RBFOX1: variants seen among roughly 807,000 people sequenced by gnomAD.
RBFOX1 encodes RNA binding protein fox-1 homolog 1.
RBFOX1 carries 8 observed loss-of-function variants against 57.7 expected under a neutral mutation model. The ratio of observed to expected loss-of-function variants is 0.14; its 90% CI spans 0.08 to 0.25. RBFOX1 has a LOEUF of 0.25. Ranked by LOEUF, RBFOX1 falls within the 10% of genes least tolerant of loss-of-function variation. The pLI is 1.00. For synonymous variants in RBFOX1, 326 were observed against 222.4 expected, an observed-to-expected ratio of 1.47 and a Z score of -4.15; for missense variants, 611 against 548.5, an observed-to-expected ratio of 1.11 and a Z score of -1.14.
At chr16:6,914,391 A>G (rs2072547750) in intron 3 of RBFOX1, among the ~76,000 whole-genome samples, 1 of 152,140 alleles carries the variant, frequency 6.6e-6, no homozygotes, top group Admixed American at 6.5e-5. Flanking sequence ...ATGATTCAGA[A>G]TCTACAAGTT....
chr16:5,480,156 A>C (rs771812612), intron 2 of RBFOX1, among the ~76,000 whole-genome samples: 4 of 152,156 alleles, frequency 2.6e-5, no homozygotes, highest in African/African-American at 4.8e-5. Flanking sequence ...ATGACTTGTG[A>C]TCTAGGTTTT....
chr16:6,553,959 T>C (rs1228812812), intron 2 of RBFOX1, among the ~76,000 whole-genome samples: 2 of 152,192 alleles, frequency 1.3e-5, no homozygotes, highest in Non-Finnish European at 2.9e-5. Flanking sequence ...AGAGGGCAGG[T>C]ACCAGGGTTT....
intron 5 of RBFOX1, among the ~76,000 whole-genome samples, chr16:7,530,567 A>T (rs1423158759): frequency 6.6e-6 from 1 of 152,002 alleles, no homozygotes; most frequent in African/African-American, 2.4e-5. Context: ...GGTTGTATCA[A>T]TGGGTCTGTG....
chr16:6,657,018 C>T (rs2098661628), intron 3 of RBFOX1, among the ~76,000 whole-genome samples: 1 of 113,768 alleles, frequency 8.8e-6, no homozygotes, highest in African/African-American at 3.7e-5. Context: ...CTCTCCTCCC[C>T]TTTCCTCTCC....
chr16:7,500,367 G>T (rs572360481), intron 4 of RBFOX1, among the ~76,000 whole-genome samples: 14 of 152,272 alleles, frequency 9.2e-5, no homozygotes, highest in African/African-American at 2.2e-4. Flanking sequence ...TACTGAATTT[G>T]TAAGTCCAGT....
chr16:5,790,200 C>G (rs2054642643), intron 3 of RBFOX1, among the ~76,000 whole-genome samples: 1 of 152,246 alleles, frequency 6.6e-6, no homozygotes, highest in African/African-American at 2.4e-5. Flanking sequence ...AGCCCTTCTT[C>G]CACGCCCACA....
chr16:5,423,071 G>GGAGGAAGGAGAGGGAGGAA (rs2067402416), intron 1 of RBFOX1, among the ~76,000 whole-genome samples: 1 of 131,298 alleles, frequency 7.6e-6, no homozygotes, highest in Non-Finnish European at 1.7e-5. Context: ...GGAAAGAGGA[G>GGAGGAAGGAGAGGGAGGAA]GAGGAAGGAG....
chr16:5,668,303 T>TA (rs35464840), intron 3 of RBFOX1, among the ~76,000 whole-genome samples: 3 of 152,006 alleles, frequency 2.0e-5, no homozygotes, highest in Non-Finnish European at 4.4e-5. Context: ...AACACCAATT[T>TA]AAAAAAAAAG....
chr16:7,061,769 C>G lies in RBFOX1; in HGVS notation c.27+9671C>G, dbSNP rs192897721. 3.9e-3 allele frequency among the ~76,000 whole-genome samples: 587 copies of G among 152,262 alleles called. 2 individuals carry two copies. The highest frequency in any genetic ancestry group is 6.6e-3 in the Non-Finnish European group (447 of 68,036). ...ATGCTGACATTTTAATTTGTCATAG[C>G]TACTCTTCATTTCTATGACTGATGC... On this transcript the variant is annotated intron_variant, in intron 4 of 15. Transcript: ENST00000550418.
At chr16:6,757,966 A>G (rs1419970193) in intron 3 of RBFOX1, among the ~76,000 whole-genome samples, 4 of 152,140 alleles carry the variant, frequency 2.6e-5, no homozygotes, top group Non-Finnish European at 5.9e-5. Context: ...AACAACATCC[A>G]GGTTTTGTTG....
intron 3 of RBFOX1, among the ~76,000 whole-genome samples, chr16:7,010,380 C>T (rs2093595041): frequency 6.6e-6 from 1 of 152,158 alleles, no homozygotes; most frequent in South Asian, 2.1e-4. Flanking sequence ...TACGCTAGGA[C>T]ACACACTGGT....
chr16:6,984,103 C>CGA (rs368934684), intron 3 of RBFOX1, among the ~76,000 whole-genome samples: 4 of 152,092 alleles, frequency 2.6e-5, no homozygotes, highest in Non-Finnish European at 5.9e-5. Context: ...CGAAATTAGC[C>CGA]GAGTATGATG....
chr16:7,371,532 C>G (rs867957751), intron 4 of RBFOX1, among the ~76,000 whole-genome samples: 13 of 152,140 alleles, frequency 8.5e-5, no homozygotes, highest in Non-Finnish European at 1.2e-4. Flanking sequence ...GGCGGATAAC[C>G]TGAGGTCAGG....
chr16:5,296,740 G>A (rs2063678824), intron 1 of RBFOX1, among the ~76,000 whole-genome samples: 1 of 150,772 alleles, frequency 6.6e-6, no homozygotes, highest in Admixed American at 6.6e-5. Context: ...GTGCAGTGGC[G>A]CGATCCTGCC....
intron 4 of RBFOX1, among the ~76,000 whole-genome samples, chr16:5,909,969 C>G (rs1402285533): frequency 6.6e-6 from 1 of 152,118 alleles, no homozygotes; most frequent in African/African-American, 2.4e-5. Flanking sequence ...AGGAGAGTCA[C>G]TTGAACCTGG....
intron 7 of RBFOX1, among the ~76,000 whole-genome samples, chr16:7,593,225 G>A (rs2094532296): frequency 6.6e-6 from 1 of 152,114 alleles, no homozygotes; most frequent in South Asian, 2.1e-4. Context: ...TCCAGTCTGG[G>A]ATTCTAATCC....
At chr16:5,940,262 G>C (rs574381004) in intron 4 of RBFOX1, among the ~76,000 whole-genome samples, 1 of 152,080 alleles carries the variant, frequency 6.6e-6, no homozygotes, top group Non-Finnish European at 1.5e-5. Context: ...CTTCTGAGTC[G>C]CATCTTCCAC....
chr16:7,202,574 G>T (rs76787768), intron 4 of RBFOX1, among the ~76,000 whole-genome samples: 1 of 152,162 alleles, frequency 6.6e-6, no homozygotes, highest in African/African-American at 2.4e-5. Context: ...GGCTGCAGTG[G>T]ATGAGCAAGC....
intron 4 of RBFOX1, among the ~76,000 whole-genome samples, chr16:5,886,910 A>T (rs553654280): frequency 1.3e-5 from 2 of 152,194 alleles, no homozygotes; most frequent in Non-Finnish European, 2.9e-5. Context: ...CATCTCTTCA[A>T]TCATTCATTG....
Sources: allele counts gnomAD v4.1 joint callset (sites outside exome capture counted in the v4.1 genomes callset), GRCh38; gene constraint gnomAD v4.1.1; transcripts MANE v1.5; gene names NCBI Gene and HGNC (gene_info 2026-07-23, HGNC 2026-07-21).